The following TLL1 variants were observed in gnomAD, a reference collection of about 807,000 sequenced individuals.
TLL1 encodes tolloid like 1.
In TLL1, 49 loss-of-function variants were observed where a neutral mutation model predicts 128.2. The observed-to-expected ratio is 0.38, with a 90% CI of 0.30 to 0.48. The LOEUF is 0.48. Ranked by LOEUF, TLL1 falls within the 20% of genes least tolerant of loss-of-function variation. The probability of loss-of-function intolerance (pLI) is 0.96; values close to 1 mark genes in which losing one functional copy is unlikely to be tolerated. For synonymous variants in TLL1, 454 were observed against 418.8 expected (o/e 1.08, Z -1.03); for missense variants, 1,123 against 1,242.0 (o/e 0.90, Z 1.44).
chr4:165,876,519 G>A (rs1730730443), intron 1 of TLL1, among the ~76,000 whole-genome samples: 1 of 152,176 alleles, frequency 6.6e-6, no homozygotes, highest in Non-Finnish European at 1.5e-5. Context: ...CTCTAATAGG[G>A]TCTTCATATT....
intron 1 of TLL1, among the ~76,000 whole-genome samples, chr4:165,901,607 TC>T (rs1219914522): frequency 2.0e-5 from 3 of 152,188 alleles, no homozygotes; most frequent in Non-Finnish European, 2.9e-5. Context: ...GCCTGTTCCT[TC>T]CTCTGGAAGC....
chr4:165,909,493 A>G (rs979382328), intron 1 of TLL1, among the ~76,000 whole-genome samples: 7 of 152,222 alleles, frequency 4.6e-5, no homozygotes, highest in African/African-American at 1.7e-4. Flanking sequence ...AAGAGTTCCA[A>G]GGACTTAGGT....
intron 1 of TLL1, among the ~76,000 whole-genome samples, chr4:165,970,403 T>C (rs1735579970): frequency 6.6e-6 from 1 of 152,150 alleles, no homozygotes; most frequent in Non-Finnish European, 1.5e-5. Context: ...AACTGAAATA[T>C]GACTACATAA....
intron 1 of TLL1, among the ~76,000 whole-genome samples, chr4:165,981,288 A>C (rs1736140063): frequency 6.6e-6 from 1 of 152,114 alleles, no homozygotes. Flanking sequence ...TATTGTTACA[A>C]GCAAAATAAA....
chr4:165,880,712 G>C (rs1730934076), intron 1 of TLL1, among the ~76,000 whole-genome samples: 1 of 152,186 alleles, frequency 6.6e-6, no homozygotes, highest in African/African-American at 2.4e-5. Context: ...TAAATATTCT[G>C]TGTTGTTGAG....
At chr4:165,994,599 AT>A in intron 4 of TLL1, 66 bp downstream of exon 4, 1 of 1,565,402 alleles carries the variant, frequency 6.4e-7, no homozygotes, top group Non-Finnish European at 8.8e-7. Flanking sequence ...TTAAGTGTCT[AT>A]TTTTATAGAA....
At chr4:166,039,309 C>T (rs751440569) in intron 9 of TLL1, 30 bp from the exon 10 acceptor site, 3 of 1,487,196 alleles carry the variant, frequency 2.0e-6, no homozygotes, top group Non-Finnish European at 2.8e-6. Context: ...ATCATTTTTA[C>T]TCTGTGGGTT....
At chr4:165,973,217 C>A (rs1313924269) in intron 1 of TLL1, among the ~76,000 whole-genome samples, 1 of 152,066 alleles carries the variant, frequency 6.6e-6, no homozygotes, top group African/African-American at 2.4e-5. Flanking sequence ...AGTAGTGGCT[C>A]AGTCTGAGTC....
At chr4:166,006,974 C>T (rs1250384135) in intron 6 of TLL1, among the ~76,000 whole-genome samples, 1 of 151,542 alleles carries the variant, frequency 6.6e-6, no homozygotes, top group African/African-American at 2.4e-5. Context: ...GAATTAAAAA[C>T]CTAAGTAGAT....
intron 1 of TLL1, among the ~76,000 whole-genome samples, chr4:165,921,233 T>C (rs913451310): frequency 6.6e-6 from 1 of 152,224 alleles, no homozygotes; most frequent in African/African-American, 2.4e-5. Context: ...TGTTATTCTT[T>C]TGGATGCAGC....
Position 166,032,942 on chromosome 4 carries a change from T to A in TLL1, c.1159-6397T>A, listed in dbSNP as rs1738839228. ...GAAAATGCCTGAGAAAGTAGAAAATTTAGTGAAGTATCAATGCAAGTAGAT... is the reference window on the plus strand; with the variant it reads ...GAAAATGCCTGAGAAAGTAGAAAATATAGTGAAGTATCAATGCAAGTAGAT... On this transcript the variant is annotated intron_variant, in intron 9 of 20. Coordinates refer to ENST00000061240, the MANE Select transcript of TLL1 (RefSeq NM_012464.5). Among the ~76,000 whole-genome samples, 3 of 152,066 alleles carry A rather than the reference T, an allele frequency of 2.0e-5. No homozygotes were observed. In the South Asian group the frequency reaches 6.2e-4, roughly 32 times the overall value.
chr4:166,044,353 C>T, intron 12 of TLL1: 1 of 1,535,474 alleles, frequency 6.5e-7, no homozygotes, highest in Non-Finnish European at 8.7e-7. Context: ...GGTTGTGTGT[C>T]TGTACCTGCA....
chr4:166,015,739 A>G (rs1737907211), intron 8 of TLL1, among the ~76,000 whole-genome samples: 1 of 152,046 alleles, frequency 6.6e-6, no homozygotes, highest in African/African-American at 2.4e-5. Context: ...ATAATTCTGT[A>G]TGTGATGGTA....
chr4:165,910,601 T>C (rs996337708), intron 1 of TLL1, among the ~76,000 whole-genome samples: 1 of 152,192 alleles, frequency 6.6e-6, no homozygotes, highest in African/African-American at 2.4e-5. Context: ...CTTTTGTAAC[T>C]AGTGTATAGA....
At chr4:166,084,693 A>G (rs1363521835) in intron 18 of TLL1, among the ~76,000 whole-genome samples, 4 of 152,058 alleles carry the variant, frequency 2.6e-5, no homozygotes. Context: ...TTGGCTGTAA[A>G]TGTGTGGATT....
chr4:165,933,087 C>G (rs1733602164), intron 1 of TLL1, among the ~76,000 whole-genome samples: 1 of 152,144 alleles, frequency 6.6e-6, no homozygotes, highest in African/African-American at 2.4e-5. Context: ...AATACTCTAG[C>G]CTATCACATG....
At chr4:165,969,000 T>A (rs1243829911) in intron 1 of TLL1, among the ~76,000 whole-genome samples, 4 of 152,178 alleles carry the variant, frequency 2.6e-5, no homozygotes, top group Admixed American at 2.6e-4. Flanking sequence ...AAAATTGAAT[T>A]TCACATTGAG....
At chr4:166,023,830 A>T (rs2111066945) in intron 8 of TLL1, among the ~76,000 whole-genome samples, 1 of 152,260 alleles carries the variant, frequency 6.6e-6, no homozygotes, top group East Asian at 1.9e-4. Context: ...TACTTGAGGA[A>T]ATTCAGTACT....
chr4:166,027,070 G>T (rs1208010384), intron 9 of TLL1, among the ~76,000 whole-genome samples: 3 of 152,126 alleles, frequency 2.0e-5, no homozygotes, highest in African/African-American at 7.2e-5. Context: ...AAAAAAGAAT[G>T]AACTCATGTC....
Sources: gnomAD v4.1 joint callset for allele counts (sites outside exome capture counted in the v4.1 genomes callset) on GRCh38, gnomAD v4.1.1 for gene constraint, MANE v1.5 for transcripts, NCBI Gene and HGNC (gene_info 2026-07-23, HGNC 2026-07-21) for gene names.